GDAP1: variants seen among roughly 807,000 people sequenced by gnomAD.
GDAP1 encodes ganglioside-induced differentiation-associated protein 1.
Under a neutral mutation model 40.1 loss-of-function variants are expected in GDAP1, and 34 were observed. The observed-to-expected ratio is 0.85, with a 90% CI of 0.64 to 1.13. The LOEUF is 1.13. Among genes scored for constraint, GDAP1 ranks in the 50% most tolerant of loss-of-function variants. The pLI, the probability that GDAP1 is intolerant of heterozygous loss-of-function variation, is 0.00. For missense variants in GDAP1, 374 were observed against 433.7 expected (o/e 0.86, Z 1.22); for synonymous variants, 170 against 157.4 (o/e 1.08, Z -0.60).
chr8:74,369,552 T>C (rs1809713045), downstream of GDAP1, among the ~76,000 whole-genome samples: 1 of 151,812 alleles, frequency 6.6e-6, no homozygotes, highest in African/African-American at 2.4e-5. Flanking sequence ...ATGTGGAAAA[T>C]ATCAACTGGT....
chr8:74,378,485 CT>C (rs879382029), intron 2 of GDAP1, among the ~76,000 whole-genome samples: 4 of 152,186 alleles, frequency 2.6e-5, no homozygotes, highest in Non-Finnish European at 4.4e-5. Context: ...GGAACCCACA[CT>C]TCTTGCTTGA....
At chr8:74,433,343 C>G (rs918917282) in intron 2 of GDAP1, among the ~76,000 whole-genome samples, 2 of 152,102 alleles carry the variant, frequency 1.3e-5, no homozygotes, top group Non-Finnish European at 2.9e-5. Context: ...AAAAGTTCCA[C>G]GAGGGCAGGG....
chr8:74,379,101 TAGAG>T (rs1165452601), intron 2 of GDAP1, among the ~76,000 whole-genome samples: 13 of 83,106 alleles, frequency 1.6e-4, no homozygotes, highest in Admixed American at 6.6e-4. Flanking sequence ...ATGTGGGTCA[TAGAG>T]AGATCCAAGG....
At chr8:74,444,212 G>A (rs62523885) in intron 2 of GDAP1, among the ~76,000 whole-genome samples, 46 of 1,078 alleles carry the variant, frequency 0.043, no homozygotes, top group South Asian at 0.11. Context: ...ACACACACGC[G>A]CGCACACACA....
intron 2 of GDAP1, among the ~76,000 whole-genome samples, chr8:74,431,575 G>A (rs1439113065): frequency 6.6e-6 from 1 of 151,932 alleles, no homozygotes; most frequent in African/African-American, 2.4e-5. Context: ...TCCGCCTCCC[G>A]GGTTCACGCC....
At chr8:74,420,349 T>C (rs938075359) in intron 2 of GDAP1, among the ~76,000 whole-genome samples, 6 of 152,174 alleles carry the variant, frequency 3.9e-5, no homozygotes, top group Non-Finnish European at 8.8e-5. Context: ...CCCAGGTTCA[T>C]GTTTCTGGAT....
chr8:74,472,011 G>A (rs564563078), intron 2 of GDAP1, among the ~76,000 whole-genome samples: 1 of 152,220 alleles, frequency 6.6e-6, no homozygotes, highest in Non-Finnish European at 1.5e-5. Context: ...CTCATGTCAT[G>A]AGGGTTTGTT....
At chr8:74,373,391 A>G (rs1809789881) in intron 2 of GDAP1, among the ~76,000 whole-genome samples, 1 of 152,202 alleles carries the variant, frequency 6.6e-6, no homozygotes, top group Non-Finnish European at 1.5e-5. Flanking sequence ...ATCGATGAGC[A>G]TGGAATGTTC....
At chr8:74,381,517 A>T (rs1809952865) in intron 2 of GDAP1, among the ~76,000 whole-genome samples, 3 of 152,154 alleles carry the variant, frequency 2.0e-5, no homozygotes, top group African/African-American at 7.2e-5. Context: ...GCACTTTGAG[A>T]GGCCGACGTG....
intron 2 of GDAP1, among the ~76,000 whole-genome samples, chr8:74,380,473 A>G (rs921031798): frequency 1.3e-5 from 2 of 148,890 alleles, no homozygotes; most frequent in Non-Finnish European, 3.0e-5. Context: ...ATGCTTGCAC[A>G]TTTAAAGACA....
intron 2 of GDAP1, among the ~76,000 whole-genome samples, chr8:74,418,854 T>TA (rs1170706157): frequency 8.3e-6 from 1 of 120,282 alleles, no homozygotes; most frequent in Non-Finnish European, 1.7e-5. Context: ...ACTATTCAAT[T>TA]AAAAAAATAG....
intron 2 of GDAP1, among the ~76,000 whole-genome samples, chr8:74,413,597 T>G (rs2131555070): frequency 6.7e-6 from 1 of 150,020 alleles, no homozygotes; most frequent in South Asian, 2.1e-4. Context: ...CCAGCATTCC[T>G]GTAGAGATTT....
intron 2 of GDAP1, among the ~76,000 whole-genome samples, chr8:74,428,633 A>ATTTTTT (rs1195348725): frequency 0.18 from 7,857 of 42,844 alleles, 2,645 homozygotes; most frequent in East Asian, 0.25. Context: ...CACCCGGCTA[A>ATTTTTT]TTTTTTTTTT....
At chr8:74,373,052 A>T (rs1012109805) in intron 2 of GDAP1, among the ~76,000 whole-genome samples, 1 of 152,200 alleles carries the variant, frequency 6.6e-6, no homozygotes, top group African/African-American at 2.4e-5. Context: ...CAGGTTTGTC[A>T]AAGATCAGAT....
At chr8:74,362,117 TC>T in intron 4 of GDAP1, 139 bp downstream of exon 4, 1 of 677,278 alleles carries the variant, frequency 1.5e-6, no homozygotes, top group Non-Finnish European at 2.7e-6. Context: ...TGGCTTATGT[TC>T]TCCTTTTAGA....
At chr8:74,459,797 T>G (rs1009564342) in intron 2 of GDAP1, among the ~76,000 whole-genome samples, 5 of 152,228 alleles carry the variant, frequency 3.3e-5, no homozygotes, top group African/African-American at 1.2e-4. Context: ...TGATGTTTTA[T>G]ATGAATAATT....
chr8:74,351,112 G>A lies in GDAP1; in HGVS notation c.118-162G>A, dbSNP rs148171531. Reference sequence around the variant, plus strand: ...TTCTTCTCTTAATTTGTTGAGTATTGTTCTTTCCTTACTTGTTAATTCCAG... The same window carrying A: ...TTCTTCTCTTAATTTGTTGAGTATTATTCTTTCCTTACTTGTTAATTCCAG... On this transcript the variant is annotated intron_variant, in intron 1 of 5. Transcript: ENST00000220822. Among the ~76,000 whole-genome samples, 4 of 152,232 alleles carry A rather than the reference G, an allele frequency of 2.6e-5. No homozygotes were observed. In the East Asian group the frequency reaches 7.7e-4, roughly 29 times the overall value.
rs7816881 is a variant in GDAP1, at chr8:74,448,818, G to A, written c.166-39860G>A. ...GTAGGAGTTTTTTGGTCAGATATAT[G>A]CATTACAAGTATTTTCTCTCAATGT... is the stretch of plus-strand genomic sequence containing the variant. On this transcript the variant is annotated intron_variant, in intron 2 of 2. Transcript: ENST00000523640. 5.5e-4 allele frequency among the ~76,000 whole-genome samples: 83 copies of A among 152,076 alleles called. No individual in the cohort carries two copies. In the South Asian group the frequency reaches 0.017, roughly 31 times the overall value.
At chr8:74,394,296 T>A (rs1026448886) in intron 2 of GDAP1, among the ~76,000 whole-genome samples, 3 of 152,116 alleles carry the variant, frequency 2.0e-5, no homozygotes, top group African/African-American at 7.2e-5. Context: ...TCCCACTGGG[T>A]CCCTCCCATG....
Sources: allele counts gnomAD v4.1 joint callset (sites outside exome capture counted in the v4.1 genomes callset), GRCh38; gene constraint gnomAD v4.1.1; transcripts MANE v1.5; gene names NCBI Gene and HGNC (gene_info 2026-07-23, HGNC 2026-07-21).